The following PRRC2B variants were observed in gnomAD, a reference collection of about 807,000 sequenced individuals.
PRRC2B encodes the protein proline rich coiled-coil 2B.
In PRRC2B, 68 loss-of-function variants were observed where a neutral mutation model predicts 242.3. That is an observed-to-expected ratio of 0.28 (90% confidence interval 0.23 to 0.34). The LOEUF (loss-of-function observed/expected upper bound fraction) is 0.34, where lower values mean the gene tolerates loss of function less well. Among genes scored for constraint, PRRC2B ranks in the 10% least tolerant of loss-of-function variants. The pLI is 1.00. For missense variants in PRRC2B, 2,835 were observed against 2,954.8 expected (o/e 0.96, Z 0.94); for synonymous variants, 1,228 against 1,173.6 (o/e 1.05, Z -0.95).
At chr9:131,423,118 A>G (rs1200011276) in intron 1 of PRRC2B, among the ~76,000 whole-genome samples, 2 of 152,186 alleles carry the variant, frequency 1.3e-5, no homozygotes, top group Non-Finnish European at 2.9e-5. Flanking sequence ...TTGGAGAGAA[A>G]ACGAATTCTG....
At chr9:131,450,305 T>C (rs1247972219) in intron 9 of PRRC2B, among the ~76,000 whole-genome samples, 1 of 151,920 alleles carries the variant, frequency 6.6e-6, no homozygotes, top group African/African-American at 2.4e-5. Context: ...TCTTGCTCTA[T>C]TGCCCAGGCT....
In PRRC2B at chr9:131,432,661, G is replaced by A. The variant is rs1838216584; in HGVS notation, c.160G>A (p.Ala54Thr). Residue 54 changes from alanine to threonine, a missense_variant, in exon 3 of 32, where the codon GCC becomes ACC. This residue lies in a region of PRRC2B where 626 missense variants were observed against 685.5 expected (regional missense o/e 0.91). Transcript: ENST00000683519. ...ACAGAGTCTTGGGAAAGTTGCTGCA[G>A]CCCGGCGCATGCCACCGCCTGCAAA... ...GLQSLGKVAAARRMPPPANLP... is the reference protein window; with the variant it reads ...GLQSLGKVAATRRMPPPANLP... 3 of 1,613,908 alleles carry A rather than the reference G, an allele frequency of 1.9e-6. No individual in the cohort carries two copies. Among genetic ancestry groups the A allele is most frequent in the Non-Finnish European group, 2.5e-6 (3 of 1,179,888 alleles).
At chr9:131,376,196 AC>A (rs879893349) in intron 1 of PRRC2B, among the ~76,000 whole-genome samples, 3 of 151,804 alleles carry the variant, frequency 2.0e-5, no homozygotes, top group Non-Finnish European at 4.4e-5. Context: ...TACTAAAAAT[AC>A]AAAAAAATTA....
Position 131,470,990 on chromosome 9 carries a change from A to C in PRRC2B, c.2107+7A>C, listed in dbSNP as rs569155380. The C allele has an allele frequency of 3.5e-5, 56 of 1,603,940 alleles. 1 individual carries two copies. The South Asian group carries it at 5.3e-4, about 15-fold the overall frequency. ...TCCGCCCTGCATCCCTCAGGTAAGC[A>C]CTGTGGTCTGACGGTCCATACCTGT... On this transcript the variant is annotated splice_region_variant and intron_variant, in intron 14 of 31. Transcript: ENST00000683519.
rs376070009 is a variant in PRRC2B at position 131,483,370 on chromosome 9, C to T, written c.5385C>T (p.Phe1795=). 9 of 1,613,806 alleles carry T rather than the reference C, an allele frequency of 5.6e-6. No individual in the cohort carries two copies. In the African/African-American group the frequency reaches 8.0e-5, roughly 14 times the overall value. The part of the protein sequence containing the change: ...EFGVSPKDSD[F]SLPPGSASGP... ...TTTTATTTTTTCAGGACTCCGATTT[C>T]AGCTTGCCACCTGGTTCTGCCTCTG... Residue 1795 remains phenylalanine (F), a synonymous_variant, in exon 23 of 32, where the codon TTC becomes TTT. Transcript: ENST00000683519.
chr9:131,385,634 G>A (rs1836815908), intron 1 of PRRC2B, among the ~76,000 whole-genome samples: 2 of 150,842 alleles, frequency 1.3e-5, no homozygotes, highest in Middle Eastern at 3.4e-3. Context: ...TCTTGCAAGT[G>A]TTAATTAAGT....
At chr9:131,489,136 C>T (rs1453389507) in intron 28 of PRRC2B, among the ~76,000 whole-genome samples, 4 of 152,002 alleles carry the variant, frequency 2.6e-5, no homozygotes, top group Non-Finnish European at 5.9e-5. Flanking sequence ...TCAGTTGTCA[C>T]CTCTGGCTTT....
rs376315006 is a variant in PRRC2B, at chr9:131,410,992, C to T, written c.-52+16729C>T. ...TATTTTTGCTTTGAAAGTTTTCTTA[C>T]GGCCAGTAATCCCAGCACTCTGGGA... On this transcript the variant is annotated intron_variant, in intron 1 of 31. Transcript: ENST00000683519. Among the ~76,000 whole-genome samples the T allele has an allele frequency of 1.4e-4, 21 of 152,028 alleles. No homozygotes were observed. In the East Asian group the frequency reaches 2.1e-3, roughly 16 times the overall value.
At chr9:131,375,734 A>G (rs1836674849) in intron 1 of PRRC2B, among the ~76,000 whole-genome samples, 1 of 152,096 alleles carries the variant, frequency 6.6e-6, no homozygotes, top group Admixed American at 6.6e-5. Flanking sequence ...AACTGATGTT[A>G]AGGATGAAAT....
In PRRC2B at chr9:131,488,269, C is replaced by CA. The variant is rs1944083622; in HGVS notation, c.6225+173_6225+174insA. On this transcript the variant is annotated intron_variant, in intron 28 of 31. Coordinates refer to ENST00000683519, the MANE Select transcript of PRRC2B (RefSeq NM_013318.4). ...AGCCTCTTCTGAGTAGCCCCATCAC[C>CA]TTTTTTTTTTTTTGGACAGAGTCTC... Among the ~76,000 whole-genome samples the CA allele has an allele frequency of 2.1e-5, 3 of 144,736 alleles. No individual in the cohort carries two copies. In the South Asian group the frequency reaches 6.5e-4, roughly 31 times the overall value. 95.0% of individuals were successfully genotyped at this position (144,736 alleles called of 152,430 possible).
At chr9:131,431,741 C>G (rs188751385) in intron 2 of PRRC2B, among the ~76,000 whole-genome samples, 1,741 of 151,628 alleles carry the variant, frequency 0.011, 33 homozygotes, top group African/African-American at 0.034. Flanking sequence ...CGCCCGCCAT[C>G]ACTCCCGGCT....
intron 18 of PRRC2B, 108 bp downstream of exon 18, chr9:131,478,727 A>G: frequency 1.4e-6 from 1 of 740,372 alleles, no homozygotes; most frequent in Admixed American, 2.7e-5. Context: ...TCAAGGTGGC[A>G]GAGAGGAAGA....
chr9:131,385,183 TAAAAG>T (rs1836811662), intron 1 of PRRC2B, among the ~76,000 whole-genome samples: 1 of 140,386 alleles, frequency 7.1e-6, no homozygotes, highest in South Asian at 2.2e-4. Context: ...TCCTAATATT[TAAAAG>T]AAAACAGCCG....
chr9:131,429,025 G>C (rs1274549355), intron 1 of PRRC2B, among the ~76,000 whole-genome samples: 1 of 152,038 alleles, frequency 6.6e-6, no homozygotes, highest in Non-Finnish European at 1.5e-5. Context: ...GTGCAATCTT[G>C]ACTCACTGCA....
chr9:131,383,087 T>A (rs950161450), intron 1 of PRRC2B, among the ~76,000 whole-genome samples: 5 of 152,140 alleles, frequency 3.3e-5, no homozygotes, highest in Admixed American at 6.6e-5. Context: ...CCATCTGGAA[T>A]GTTCCTCCAC....
chr9:131,405,955 A>G (rs1224039475), intron 1 of PRRC2B, among the ~76,000 whole-genome samples: 4 of 152,130 alleles, frequency 2.6e-5, no homozygotes, highest in African/African-American at 9.7e-5. Context: ...CCTCTGCAAA[A>G]TGTGATAGTA....
intron 6 of PRRC2B, among the ~76,000 whole-genome samples, chr9:131,444,966 G>A (rs1838747074): frequency 6.6e-6 from 1 of 152,132 alleles, no homozygotes; most frequent in African/African-American, 2.4e-5. Flanking sequence ...ATTTTGAAGT[G>A]GCTCATGTAG....
At chr9:131,440,410 T>A (rs1037350390) in intron 5 of PRRC2B, among the ~76,000 whole-genome samples, 2 of 152,156 alleles carry the variant, frequency 1.3e-5, no homozygotes, top group African/African-American at 4.8e-5. Context: ...TTAGAATTTT[T>A]AAAAATAGAT....
chr9:131,477,869 C>T lies in PRRC2B; in HGVS notation c.4532C>T (p.Ala1511Val). 1 of 1,613,950 alleles carries T rather than the reference C, an allele frequency of 6.2e-7. No homozygotes were observed. Among genetic ancestry groups the T allele is most frequent in the Non-Finnish European group, 8.5e-7 (1 of 1,179,884 alleles). Residue 1511 changes from alanine to valine, a missense_variant, in exon 17 of 32, where the codon GCA becomes GTA. Physicochemically the swap from Ala to Val is moderately conservative, Grantham distance 64. This residue lies in a region of PRRC2B where 1,536 missense variants were observed against 1,483.1 expected (regional missense o/e 1.04). Coordinates refer to ENST00000683519, the MANE Select transcript of PRRC2B (RefSeq NM_013318.4). ...CTTCCCGAAGCCTCCAGTAAAAAGG[C>T]AGAGAAGGAGGCCAAGTTGGCTGCT... ...ADLPEASSKK[A>V]EKEAKLAAPR...
Sources: gnomAD v4.1 joint callset for allele counts (sites outside exome capture counted in the v4.1 genomes callset) on GRCh38, gnomAD v4.1.1 for gene constraint, gnomAD v4.1.1 regional missense constraint, MANE v1.5 for transcripts, NCBI Gene and HGNC (gene_info 2026-07-23, HGNC 2026-07-21) for gene names.